KIF13A: variants seen among roughly 807,000 people sequenced by gnomAD.
KIF13A encodes the protein kinesin family member 13A.
Under a neutral mutation model 212.2 loss-of-function variants are expected in KIF13A, and 79 were observed. That is an observed-to-expected ratio of 0.37 (90% CI 0.31 to 0.45). The LOEUF (loss-of-function observed/expected upper bound fraction) is 0.45. Among genes scored for constraint, KIF13A ranks in the 20% least tolerant of loss-of-function variants. The pLI is 1.00. For synonymous variants in KIF13A, 789 were observed against 808.6 expected (o/e 0.98, Z 0.41); for missense variants, 1,901 against 2,209.0 (o/e 0.86, Z 2.79).
Position 17,785,670 on chromosome 6 carries a change from C to T in KIF13A, c.3362-29G>A, listed in dbSNP as rs1429598690. 3 of 1,588,004 alleles carry T rather than the reference C, an allele frequency of 1.9e-6. No homozygotes were observed. The highest frequency in any genetic ancestry group is 1.7e-4 in the Middle Eastern group (1 of 6,034). On this transcript the variant is annotated intron_variant, in intron 27 of 38. Coordinates refer to ENST00000259711, the MANE Select transcript of KIF13A (RefSeq NM_022113.6). The surrounding 1 kb of genome is among the most constrained non-coding windows in gnomAD (Gnocchi z 5.8). The stretch of plus-strand genomic sequence containing the variant: ...CAGAAAAAAATGAGGAGATCAATGC[C>T]AACAAGAGAGAAAGTATGACTTCTC...
intron 2 of KIF13A, among the ~76,000 whole-genome samples, chr6:17,911,506 T>C (rs2150505172): frequency 6.6e-6 from 1 of 152,256 alleles, no homozygotes. Flanking sequence ...ATAAAAGAAA[T>C]TTAATGTCAC....
intron 6 of KIF13A, among the ~76,000 whole-genome samples, chr6:17,854,440 A>T (rs1412319378): frequency 6.6e-6 from 1 of 150,972 alleles, no homozygotes; most frequent in Non-Finnish European, 1.5e-5. Context: ...ACCTGGCCTT[A>T]GTGATTATTT....
In KIF13A at chr6:17,895,646, C is replaced by G. The variant is rs1174191479; in HGVS notation, c.159+2522G>C. Among the ~76,000 whole-genome samples the G allele has an allele frequency of 6.6e-6, 1 of 152,204 alleles. No homozygotes were observed. The highest frequency in any genetic ancestry group is 1.9e-4 in the East Asian group (1 of 5,202). On this transcript the variant is annotated intron_variant, in intron 3 of 38. Coordinates refer to ENST00000259711, the MANE Select transcript of KIF13A (RefSeq NM_022113.6). This position sits in a 1 kb window ranked among gnomAD's most constrained non-coding sequence, Gnocchi z 4.4. Reference sequence around the variant, plus strand: ...AGGACTTGAACTCCAGTACTTTGTCCTCCTCAGCCCCACAAAGCAGTCAGC... The same window carrying G: ...AGGACTTGAACTCCAGTACTTTGTCGTCCTCAGCCCCACAAAGCAGTCAGC...
rs535396225 is a variant in KIF13A at position 17,773,662 on chromosome 6, GT to G, written c.4219-80del. On this transcript the variant is annotated intron_variant, in intron 35 of 38. Transcript: ENST00000259711. The surrounding 1 kb of genome is among the most constrained non-coding windows in gnomAD (Gnocchi z 4.2). ...TAAAGCCCAGGTTGGAGTTTCTTCT[GT>G]TTTTTTTTAATGGCAGCATATGCTC... 2.9e-4 allele frequency: 187 copies of G among 639,178 alleles called. No homozygotes were observed. The highest frequency in any genetic ancestry group is 6.1e-4 in the South Asian group (25 of 41,220). 39.6% of individuals were successfully genotyped at this position (639,178 alleles called of 1,614,324 possible). A position where few individuals can be genotyped will look rare whatever the true frequency, so the allele number is the denominator to read the frequency against.
intron 6 of KIF13A, among the ~76,000 whole-genome samples, chr6:17,852,598 TG>T (rs922665582): frequency 6.6e-6 from 1 of 152,140 alleles, no homozygotes; most frequent in African/African-American, 2.4e-5. Context: ...TTATATTTTT[TG>T]TAGAGATGTG....
chr6:17,854,546 A>ATTTTTTTTT (rs36073765), intron 6 of KIF13A, among the ~76,000 whole-genome samples: 2 of 77,094 alleles, frequency 2.6e-5, no homozygotes, highest in Non-Finnish European at 4.5e-5. Context: ...AATCAGTATA[A>ATTTTTTTTT]TTTTTTTTTT....
intron 12 of KIF13A, among the ~76,000 whole-genome samples, chr6:17,832,525 C>A (rs1765537870): frequency 6.6e-6 from 1 of 151,964 alleles, no homozygotes; most frequent in African/African-American, 2.4e-5. Flanking sequence ...ATAGTCCTAG[C>A]TATTTGGGAG....
intron 16 of KIF13A, among the ~76,000 whole-genome samples, chr6:17,818,905 T>G (rs538000514): frequency 8.5e-5 from 13 of 152,336 alleles, no homozygotes; most frequent in African/African-American, 3.1e-4. Flanking sequence ...AGATACTGTT[T>G]TATTGATATA....
rs764506516 is a variant in KIF13A, at chr6:17,967,070, T to C, written c.146+19984A>G. Among the ~76,000 whole-genome samples, 70 of 152,218 alleles carry C rather than the reference T, an allele frequency of 4.6e-4. 1 individual carries two copies. Among genetic ancestry groups the C allele is most frequent in the Non-Finnish European group, 6.5e-4 (44 of 68,032 alleles). On this transcript the variant is annotated intron_variant, in intron 2 of 38. Transcript: ENST00000259711. The surrounding 1 kb of genome is among the most constrained non-coding windows in gnomAD (Gnocchi z 4.1). ...GACACTCTATTCCCTTTTGGTATTA[T>C]GCACTTTCTCAGGGGAAAAGTAATC... is the stretch of plus-strand genomic sequence containing the variant.
At chr6:17,940,297 A>C (rs1359586769) in intron 2 of KIF13A, among the ~76,000 whole-genome samples, 1 of 152,136 alleles carries the variant, frequency 6.6e-6, no homozygotes, top group African/African-American at 2.4e-5. Flanking sequence ...TTAAGCGCAG[A>C]TTCTTCGATT....
In KIF13A at chr6:17,794,733, G is replaced by A; in HGVS notation, c.2943-29C>T. 1 of 1,598,922 alleles carries A rather than the reference G, an allele frequency of 6.3e-7. No individual in the cohort carries two copies. The highest frequency in any genetic ancestry group is 8.5e-7 in the Non-Finnish European group (1 of 1,175,364). On this transcript the variant is annotated intron_variant, in intron 23 of 38. Coordinates refer to ENST00000259711, the MANE Select transcript of KIF13A (RefSeq NM_022113.6). The surrounding 1 kb of genome is among the most constrained non-coding windows in gnomAD (Gnocchi z 4.1). ...CAGAAACACATTCCAACAAGCAAGA[G>A]CGTCATCGTCCAGGGATACTGTTAG...
In KIF13A at chr6:17,899,521, GA is replaced by G. The variant is rs915196430; in HGVS notation, c.147-1342del. 1.3e-5 allele frequency among the ~76,000 whole-genome samples: 2 copies of G among 151,922 alleles called. No individual in the cohort carries two copies. Among genetic ancestry groups the G allele is most frequent in the Non-Finnish European group, 1.5e-5 (1 of 67,952 alleles). On this transcript the variant is annotated intron_variant, in intron 2 of 38. Coordinates refer to ENST00000259711, the MANE Select transcript of KIF13A (RefSeq NM_022113.6). The surrounding 1 kb of genome is among the most constrained non-coding windows in gnomAD (Gnocchi z 5.2). ...ACAAAACTGAGAGCTCAGTAGCAGG[GA>G]AAAAAAATGTCCAATCACATGCATA...
chr6:17,800,095 C>T lies in KIF13A; in HGVS notation c.2473G>A (p.Val825Met), dbSNP rs770905756. ...QQGEVAGRLH[V>M]EVMRVTGAVP... Reference sequence around the variant, plus strand: ...GCTCCTGTAACACGCATCACTTCCACGTGGAGACGCCCTGCAACCTGGGTC... The same window carrying T: ...GCTCCTGTAACACGCATCACTTCCATGTGGAGACGCCCTGCAACCTGGGTC... The change falls in exon 21 of 39, where the codon GTG (valine) becomes ATG (methionine). Residue 825 changes from valine to methionine, a missense_variant. Val to Met is a conservative substitution (Grantham distance 21). Transcript: ENST00000259711. 61 of 1,613,644 alleles carry T rather than the reference C, an allele frequency of 3.8e-5. No homozygotes were observed. The Admixed American group carries it at 8.8e-4, about 23-fold the overall frequency.
In KIF13A at chr6:17,771,009, A is replaced by G; in HGVS notation, c.4581+105T>C. ...CACATTTTTATTTTCTTTAAGACAA[A>G]GACCCAATACATGTCTTAATTTCTT... On this transcript the variant is annotated intron_variant, in intron 38 of 38. Transcript: ENST00000259711. The surrounding 1 kb of genome is among the most constrained non-coding windows in gnomAD (Gnocchi z 5.4). 1.4e-6 allele frequency: 1 copy of G among 730,938 alleles called. No individual in the cohort carries two copies. The highest frequency in any genetic ancestry group is 2.6e-5 in the Admixed American group (1 of 38,662). The allele number at this position is 730,938 out of a possible 1,614,324, so 45.3% of individuals were successfully genotyped here. A position where few individuals can be genotyped will look rare whatever the true frequency, so the allele number is the denominator to read the frequency against.
intron 16 of KIF13A, among the ~76,000 whole-genome samples, chr6:17,820,299 C>T (rs1764320002): frequency 6.6e-6 from 1 of 152,178 alleles, no homozygotes; most frequent in Non-Finnish European, 1.5e-5. Context: ...GTCTTGTAAG[C>T]CCCATTCCCG....
intron 18 of KIF13A, among the ~76,000 whole-genome samples, chr6:17,806,469 A>G (rs1383720409): frequency 2.0e-5 from 3 of 152,376 alleles, no homozygotes; most frequent in East Asian, 1.9e-4. Flanking sequence ...AGTAAGACTG[A>G]TAAGATACTC....
chr6:17,955,480 A>G (rs1203962047), intron 2 of KIF13A, among the ~76,000 whole-genome samples: 2 of 152,218 alleles, frequency 1.3e-5, no homozygotes, highest in African/African-American at 4.8e-5. Flanking sequence ...TACCTATACA[A>G]TAAGTAAAAT....
intron 3 of KIF13A, among the ~76,000 whole-genome samples, chr6:17,894,506 T>C (rs1209647906): frequency 6.6e-6 from 1 of 150,578 alleles, no homozygotes; most frequent in Non-Finnish European, 1.5e-5. Flanking sequence ...AATCATGACT[T>C]TTTTTTTTAC....
chr6:17,876,595 C>T (rs1424383243), intron 3 of KIF13A, among the ~76,000 whole-genome samples: 1 of 151,250 alleles, frequency 6.6e-6, no homozygotes, highest in African/African-American at 2.4e-5. Flanking sequence ...TTTCATTTAT[C>T]ATGTATATGA....
Sources: allele counts gnomAD v4.1 joint callset (sites outside exome capture counted in the v4.1 genomes callset), GRCh38; gene constraint gnomAD v4.1.1; non-coding constraint Gnocchi (gnomAD v3.1); transcripts MANE v1.5; gene names NCBI Gene and HGNC (gene_info 2026-07-23, HGNC 2026-07-21).